Variants in DHX16 observed in about 807,000 individuals in gnomAD.
The protein encoded by DHX16 is pre-mRNA-splicing factor ATP-dependent RNA helicase DHX16.
DHX16 carries 81 observed loss-of-function variants against 131.2 expected under a neutral mutation model. The ratio of observed to expected loss-of-function variants is 0.62; its 90% CI spans 0.52 to 0.74. DHX16 has a LOEUF of 0.74. Among genes scored for constraint, DHX16 ranks in the 30% least tolerant of loss-of-function variants. The pLI, the probability that DHX16 is intolerant of heterozygous loss-of-function variation, is 0.00. For missense variants in DHX16, 980 were observed against 1,363.1 expected (o/e 0.72, Z 4.43); for synonymous variants, 440 against 520.2 (o/e 0.85, Z 2.10).
Position 30,653,267 on chromosome 6 carries a change from C to T in DHX16, c.3101G>A (p.Gly1034Asp). Residue 1034 changes from glycine (G) to aspartate (D), a missense_variant, in exon 20 of 20, where the codon GGC becomes GAC. Gly to Asp is a moderately conservative substitution (Grantham distance 94, BLOSUM62 -1). Transcript: ENST00000376442. Reference sequence around the variant, plus strand: ...TTACCCTAGCTCTTCTCGTGTTTTGCCTATTTTTTTGGGCATTTTCTTAGC... The same window carrying T: ...TTACCCTAGCTCTTCTCGTGTTTTGTCTATTTTTTTGGGCATTTTCTTAGC... ...PHAKKMPKKIGKTREELG is the reference protein window; with the variant it reads ...PHAKKMPKKIDKTREELG The T allele has an allele frequency of 6.2e-7, 1 of 1,612,914 alleles. No homozygotes were observed. Among genetic ancestry groups the T allele is most frequent in the East Asian group, 2.2e-5 (1 of 44,876 alleles).
In DHX16 at chr6:30,660,109, A is replaced by T. The variant is rs773899552; in HGVS notation, c.1678T>A (p.Phe560Ile). 2.0e-5 allele frequency: 33 copies of T among 1,612,476 alleles called. No homozygotes were observed. Among genetic ancestry groups the T allele is most frequent in the Non-Finnish European group, 2.6e-5 (31 of 1,179,816 alleles). The part of the protein sequence containing the change: ...VASATMDTAR[F>I]STFFDDAPVF... Reference sequence around the variant, plus strand: ...GGGGCGTCATCAAAGAAGGTGGAAAAACGGGCAGTGTCCATTGTGGCTGAA... The same window carrying T: ...GGGGCGTCATCAAAGAAGGTGGAAATACGGGCAGTGTCCATTGTGGCTGAA... Residue 560 changes from phenylalanine (F) to isoleucine (I), a missense_variant, in exon 10 of 20, where the codon TTT becomes ATT. Physicochemically the swap from Phe to Ile is conservative, Grantham distance 21. Transcript: ENST00000376442.
intron 12 of DHX16, among the ~76,000 whole-genome samples, chr6:30,658,363 C>T (rs559920372): frequency 2.0e-5 from 3 of 152,112 alleles, no homozygotes; most frequent in South Asian, 2.1e-4. Context: ...GCCAAAATAG[C>T]GAAACCTCAT....
intron 10 of DHX16, 77 bp from the exon 11 acceptor site, chr6:30,659,911 T>C (rs1394135113): frequency 2.6e-6 from 4 of 1,558,092 alleles, no homozygotes; most frequent in Non-Finnish European, 3.5e-6. Flanking sequence ...CAATTCAACA[T>C]ACACTTTATC....
intron 19 of DHX16, among the ~76,000 whole-genome samples, chr6:30,654,043 C>T (rs1767720680): frequency 6.6e-6 from 1 of 151,992 alleles, no homozygotes; most frequent in African/African-American, 2.4e-5. Context: ...CACTTGAAAC[C>T]GAAGGCGGAG....
rs776653096 is a variant in DHX16, at chr6:30,657,036, A to C, written c.2064T>G (p.Tyr688Ter). ...ETSLTIEGIIYVLDPGFCKQK... is the reference protein window; with the variant it reads ...ETSLTIEGII ...GCTTACAGAACCCTGGATCCAGCACATAAATGATGCCCTCAATGGTGAGTG... is the reference window on the plus strand; with the variant it reads ...GCTTACAGAACCCTGGATCCAGCACCTAAATGATGCCCTCAATGGTGAGTG... Residue 688 changes from tyrosine to a stop codon, truncating the protein, a stop_gained, in exon 13 of 20, where the codon TAT becomes TAG. Coordinates refer to ENST00000376442, the MANE Select transcript of DHX16 (RefSeq NM_003587.5). LOFTEE classifies it high-confidence loss of function. 5 of 1,613,078 alleles carry C rather than the reference A, an allele frequency of 3.1e-6. No homozygotes were observed. The highest frequency in any genetic ancestry group is 2.5e-6 in the Non-Finnish European group (3 of 1,180,028).
chr6:30,668,960 C>T (rs1264334784), intron 4 of DHX16, among the ~76,000 whole-genome samples: 3 of 151,922 alleles, frequency 2.0e-5, no homozygotes, highest in African/African-American at 7.3e-5. Context: ...ACAAAATTAG[C>T]CAGGCGAGGT....
Position 30,672,244 on chromosome 6 carries a change from G to C in DHX16, c.207+391C>G, listed in dbSNP as rs139384809. 4.6e-3 allele frequency among the ~76,000 whole-genome samples: 699 copies of C among 151,830 alleles called. 5 individuals carry two copies. Among genetic ancestry groups the C allele is most frequent in the Middle Eastern group, 0.01 (3 of 294 alleles). On this transcript the variant is annotated intron_variant, in intron 1 of 19. Transcript: ENST00000376442. ...TGAGGTGGGAGGGTCGCTTCAACCA[G>C]GGAGGTCGACGCTGTAGTGAGCCGT...
At position 30,672,676 on chromosome 6, in the gene DHX16, T is replaced by A. The variant is rs761642337; in HGVS notation, c.166A>T (p.Ser56Cys). 6.2e-7 allele frequency: 1 copy of A among 1,610,418 alleles called. No individual in the cohort carries two copies. The highest frequency in any genetic ancestry group is 8.5e-7 in the Non-Finnish European group (1 of 1,177,746). Reference sequence around the variant, plus strand: ...AGGGCGAAGTCCCGGGCCGGCCCACTGAGATCCAAGGTATCAGTGTCTCGT... The same window carrying A: ...AGGGCGAAGTCCCGGGCCGGCCCACAGAGATCCAAGGTATCAGTGTCTCGT... ...RLRDTDTLDL[S>C]GPARDFALRL... Residue 56 changes from serine to cysteine, a missense_variant, in exon 1 of 20, where the codon AGT becomes TGT. Physicochemically the swap from Ser to Cys is moderately radical, Grantham distance 112. This residue lies in a region of DHX16 where 457 missense variants were observed against 554.8 expected (regional missense o/e 0.82). Transcript: ENST00000376442.
Position 30,670,022 on chromosome 6 carries a change from A to G in DHX16, c.666+388T>C, listed in dbSNP as rs150171213. On this transcript the variant is annotated intron_variant, in intron 4 of 19. Coordinates refer to ENST00000376442, the MANE Select transcript of DHX16 (RefSeq NM_003587.5). This position sits in a 1 kb window ranked among gnomAD's most constrained non-coding sequence, Gnocchi z 4.4. ...GGTGTGCCTAAGCTGAATGGTCAGC[A>G]CATCCCTGTACAGTGGGACTGCTGC... is the stretch of plus-strand genomic sequence containing the variant. Among the ~76,000 whole-genome samples, 643 of 152,288 alleles carry G rather than the reference A, an allele frequency of 4.2e-3. 5 individuals carry two copies. The highest frequency in any genetic ancestry group is 0.015 in the African/African-American group (635 of 41,546).
chr6:30,664,295 C>T (rs776132924), intron 7 of DHX16, among the ~76,000 whole-genome samples: 5 of 151,874 alleles, frequency 3.3e-5, no homozygotes, highest in Admixed American at 6.6e-5. Flanking sequence ...AGCAGCCTGG[C>T]CAACATGGTG....
Position 30,672,885 on chromosome 6 carries a change from C to A in DHX16, c.-44G>T. 1 of 1,606,616 alleles carries A rather than the reference C, an allele frequency of 6.2e-7. No individual in the cohort carries two copies. Among genetic ancestry groups the A allele is most frequent in the East Asian group, 2.3e-5 (1 of 44,398 alleles). On this transcript the variant is annotated 5_prime_UTR_variant, in exon 1 of 20. Coordinates refer to ENST00000376442, the MANE Select transcript of DHX16 (RefSeq NM_003587.5). Reference sequence around the variant, plus strand: ...CTCCCGGCCCTGAAGCGTCGGGCAGCCGCGCTCACTGCTGGGCCGGTCAGA... The same window carrying A: ...CTCCCGGCCCTGAAGCGTCGGGCAGACGCGCTCACTGCTGGGCCGGTCAGA...
Position 30,670,322 on chromosome 6 carries a change from T to C in DHX16, c.666+88A>G. 1 of 1,361,116 alleles carries C rather than the reference T, an allele frequency of 7.3e-7. No homozygotes were observed. Among genetic ancestry groups the C allele is most frequent in the Non-Finnish European group, 1.0e-6 (1 of 993,538 alleles). The allele number at this position is 1,361,116 out of a possible 1,614,324, so 84.3% of individuals were successfully genotyped here. On this transcript the variant is annotated intron_variant, in intron 4 of 19. Transcript: ENST00000376442. The surrounding 1 kb of genome is among the most constrained non-coding windows in gnomAD (Gnocchi z 4.4). ...CACCCCATCAGCATCCACACTGTGC[T>C]TCCTCTGTATCCTCTCTCCCTATAC...
intron 19 of DHX16, among the ~76,000 whole-genome samples, 192 bp downstream of exon 19, chr6:30,654,514 C>T (rs992951340): frequency 6.6e-6 from 1 of 152,170 alleles, no homozygotes; most frequent in Admixed American, 6.6e-5. Context: ...TGCGCCACTG[C>T]ACTCCAGCCT....
At chr6:30,671,582 T>A (rs527936665) in intron 1 of DHX16, among the ~76,000 whole-genome samples, 25 of 151,912 alleles carry the variant, frequency 1.6e-4, no homozygotes, top group African/African-American at 5.6e-4. Context: ...CCTGACCTCA[T>A]GATCCACTCA....
At position 30,672,764 on chromosome 6, in the gene DHX16, G is replaced by A; in HGVS notation, c.78C>T (p.Val26=). Residue 26 remains valine, a synonymous_variant, in exon 1 of 20, where the codon GTC becomes GTT. Transcript: ENST00000376442. Reference sequence around the variant, plus strand: ...GTGCGGTACCGATCAGAAACTGGGCGACGTGCCGCTCGCTCAGCCCCAACA... The same window carrying A: ...GTGCGGTACCGATCAGAAACTGGGCAACGTGCCGCTCGCTCAGCCCCAACA... ...HSVLGLSERH[V]AQFLIGTAQR... is the part of the protein sequence containing the mutation. The A allele has an allele frequency of 6.2e-7, 1 of 1,613,058 alleles. No individual in the cohort carries two copies. Among genetic ancestry groups the A allele is most frequent in the East Asian group, 2.2e-5 (1 of 44,876 alleles).
At chr6:30,669,618 G>A (rs556466334) in intron 4 of DHX16, among the ~76,000 whole-genome samples, 4 of 151,326 alleles carry the variant, frequency 2.6e-5, no homozygotes, top group South Asian at 2.1e-4. Context: ...TTAGCCAGGC[G>A]TGGTGGTGTG....
At position 30,671,031 on chromosome 6, in the gene DHX16, CT is replaced by C; in HGVS notation, c.446+4del. ...CCATCCTCTCTCACCCTGCTTCTGA[CT>C]TACCCTGTTTTCTTCTTCCCTTTCT... On this transcript the variant is annotated splice_donor_region_variant and intron_variant, in intron 2 of 19. Transcript: ENST00000376442. 6.2e-7 allele frequency: 1 copy of C among 1,613,056 alleles called. No homozygotes were observed. Among genetic ancestry groups the C allele is most frequent in the Non-Finnish European group, 8.5e-7 (1 of 1,179,988 alleles).
Position 30,662,621 on chromosome 6 carries a change from A to C in DHX16, c.1544+6T>G. ...AAGGGAGAGAAAGGCCAGAGATTAG[A>C]GATACCTGTAACTCGCCAGGTCAGG... On this transcript the variant is annotated splice_donor_region_variant and intron_variant, in intron 9 of 19. Coordinates refer to ENST00000376442, the MANE Select transcript of DHX16 (RefSeq NM_003587.5). The surrounding 1 kb of genome is among the most constrained non-coding windows in gnomAD (Gnocchi z 4.7). The C allele has an allele frequency of 6.2e-7, 1 of 1,609,130 alleles. No homozygotes were observed. The highest frequency in any genetic ancestry group is 8.5e-7 in the Non-Finnish European group (1 of 1,176,460).
In DHX16 at chr6:30,662,051, C is replaced by T. The variant is rs550269533; in HGVS notation, c.1544+576G>A. 10 of 591,734 alleles carry T rather than the reference C, an allele frequency of 1.7e-5. No homozygotes were observed. Among genetic ancestry groups the T allele is most frequent in the Non-Finnish European group, 3.0e-5 (10 of 328,244 alleles). The allele number at this position is 591,734 out of a possible 1,614,324, so 36.7% of individuals were successfully genotyped here. On this transcript the variant is annotated intron_variant, in intron 9 of 19. Coordinates refer to ENST00000376442, the MANE Select transcript of DHX16 (RefSeq NM_003587.5). This position sits in a 1 kb window ranked among gnomAD's most constrained non-coding sequence, Gnocchi z 4.7. ...CCCCTCAACACATGTTCAACCAACC[C>T]CTGCTTGGCCATTTCCAGCACTAAG... is the stretch of plus-strand genomic sequence containing the variant.
Sources: allele counts gnomAD v4.1 joint callset (sites outside exome capture counted in the v4.1 genomes callset), GRCh38; gene constraint gnomAD v4.1.1; regional missense constraint gnomAD v4.1.1; non-coding constraint Gnocchi (gnomAD v3.1); transcripts MANE v1.5; gene names NCBI Gene and HGNC (gene_info 2026-07-23, HGNC 2026-07-21).